ANKRD28: variants seen among roughly 807,000 people sequenced by gnomAD.
ANKRD28 encodes ankyrin repeat domain 28, also known as serine/threonine-protein phosphatase 6 regulatory ankyrin repeat subunit A.
In ANKRD28, 44 loss-of-function variants were observed where a neutral mutation model predicts 126.5. That is an observed-to-expected ratio of 0.35 (90% CI 0.27 to 0.45). The LOEUF (loss-of-function observed/expected upper bound fraction) is 0.45, where lower values mean the gene tolerates loss of function less well. ANKRD28 is among the 20% of genes least tolerant of loss of function. The pLI, the probability that ANKRD28 is intolerant of heterozygous loss-of-function variation, is 1.00. For synonymous variants in ANKRD28, 442 were observed against 468.5 expected (o/e 0.94, Z 0.73); for missense variants, 1,110 against 1,316.6 (o/e 0.84, Z 2.43).
chr3:15,809,567 G>A (rs535809222), intron 1 of ANKRD28, among the ~76,000 whole-genome samples: 3 of 152,168 alleles, frequency 2.0e-5, no homozygotes, highest in Non-Finnish European at 4.4e-5. Flanking sequence ...GGATTGTGAG[G>A]ACACAATCCC....
chr3:15,857,412 G>A (rs1371017003), intron 1 of ANKRD28, among the ~76,000 whole-genome samples: 2 of 152,182 alleles, frequency 1.3e-5, no homozygotes, highest in African/African-American at 4.8e-5. Context: ...AGCCTCCAGA[G>A]TAGCTGGGAT....
chr3:15,686,587 C>T (rs2068154313), intron 18 of ANKRD28: 1 of 427,488 alleles, frequency 2.3e-6, no homozygotes, highest in Non-Finnish European at 4.3e-6. Context: ...TTTTATTTAG[C>T]TCTCTGGCAA....
At chr3:15,842,105 T>C (rs942778724) in intron 1 of ANKRD28, among the ~76,000 whole-genome samples, 1 of 149,700 alleles carries the variant, frequency 6.7e-6, no homozygotes, top group Non-Finnish European at 1.5e-5. Context: ...ATAATTGATA[T>C]ATAATATGCA....
At chr3:15,855,898 T>C (rs1165571279) in intron 1 of ANKRD28, among the ~76,000 whole-genome samples, 1 of 152,248 alleles carries the variant, frequency 6.6e-6, no homozygotes, top group Non-Finnish European at 1.5e-5. Flanking sequence ...ACCACTCAAC[T>C]GTACCCTTTA....
At chr3:15,859,256 G>T in intron 1 of ANKRD28, 1 of 1,402,692 alleles carries the variant, frequency 7.1e-7, no homozygotes. Flanking sequence ...CCCGGGGCAG[G>T]ACCCCCGTTT....
exon 1 of ANKRD28, chr3:15,859,555 G>A (rs1221839159): frequency 2.1e-6 from 1 of 470,604 alleles, no homozygotes; most frequent in Non-Finnish European, 3.0e-6. Context: ...CCTGCGGGCA[G>A]GGGGCGGCGC....
chr3:15,741,037 A>T (rs1317927203), intron 4 of ANKRD28, among the ~76,000 whole-genome samples: 1 of 152,148 alleles, frequency 6.6e-6, no homozygotes, highest in Non-Finnish European at 1.5e-5. Flanking sequence ...CGTCTCTACT[A>T]AATATACAAA....
chr3:15,784,209 G>C (rs1294401551), intron 2 of ANKRD28, among the ~76,000 whole-genome samples: 1 of 151,892 alleles, frequency 6.6e-6, no homozygotes, highest in Non-Finnish European at 1.5e-5. Flanking sequence ...AAAAGGAAGA[G>C]CATCAAAGAA....
chr3:15,797,721 T>A lies in ANKRD28; in HGVS notation c.-1200A>T. ...CTACTTTATTCAGTCATCTGCCTCT[T>A]TGCCAATATAGTTTCCTTCCACTGT... On this transcript the variant is annotated 5_prime_UTR_variant, in exon 1 of 28. Coordinates refer to ENST00000683139, the MANE Select transcript of ANKRD28 (RefSeq NM_001349278.2). 1.0e-6 allele frequency: 1 copy of A among 985,420 alleles called. No individual in the cohort carries two copies. The highest frequency in any genetic ancestry group is 1.7e-5 in the African/African-American group (1 of 57,358). The allele number at this position is 985,420 out of a possible 1,614,324, so 61.0% of individuals were successfully genotyped here.
intron 8 of ANKRD28, among the ~76,000 whole-genome samples, chr3:15,720,623 T>A (rs1490273842): frequency 5.3e-5 from 8 of 152,176 alleles, no homozygotes; most frequent in Non-Finnish European, 1.2e-4. Context: ...CGTCCCTTCA[T>A]GCCCCTTTCC....
intron 1 of ANKRD28, among the ~76,000 whole-genome samples, chr3:15,850,987 G>A (rs1351840115): frequency 6.6e-6 from 1 of 152,186 alleles, no homozygotes; most frequent in Non-Finnish European, 1.5e-5. Flanking sequence ...CTGAATGAGA[G>A]GACATCTAGC....
At chr3:15,810,031 C>T (rs1054291655) in intron 1 of ANKRD28, among the ~76,000 whole-genome samples, 2 of 152,000 alleles carry the variant, frequency 1.3e-5, no homozygotes, top group East Asian at 1.9e-4. Flanking sequence ...TAGACAGCAG[C>T]GAGATCATGA....
chr3:15,678,668 CT>C (rs2067213457), intron 23 of ANKRD28, among the ~76,000 whole-genome samples: 1 of 152,162 alleles, frequency 6.6e-6, no homozygotes, highest in Non-Finnish European at 1.5e-5. Context: ...AATACCACCA[CT>C]TATTACAACT....
chr3:15,839,316 T>C lies in ANKRD28; in HGVS notation c.27+20061A>G, dbSNP rs967244742. On this transcript the variant is annotated intron_variant, in intron 1 of 27. Transcript: ENST00000399451. This position sits in a 1 kb window ranked among gnomAD's most constrained non-coding sequence, Gnocchi z 4.3. ...TGATCTAACCAATCACCAGCTCTTT[T>C]AATCCAACTTAAAAGGCTGATCAGC... is the stretch of plus-strand genomic sequence containing the variant. Among the ~76,000 whole-genome samples the C allele has an allele frequency of 6.6e-6, 1 of 152,132 alleles. No individual in the cohort carries two copies. Among genetic ancestry groups the C allele is most frequent in the Admixed American group, 6.5e-5 (1 of 15,274 alleles).
intron 2 of ANKRD28, 96 bp from the exon 3 acceptor site, chr3:15,766,408 A>C (rs1044699170): frequency 1.3e-6 from 1 of 785,926 alleles, no homozygotes; most frequent in African/African-American, 1.7e-5. Context: ...CCCCCCACCA[A>C]ACCATTATTA....
rs1383833574 is a variant in ANKRD28 at position 15,737,046 on chromosome 3, C to T, written c.539G>A (p.Ser180Asn). 6.2e-7 allele frequency: 1 copy of T among 1,613,822 alleles called. No individual in the cohort carries two copies. The highest frequency in any genetic ancestry group is 1.7e-5 in the Admixed American group (1 of 59,998). ...GRTALHHAAF[S>N]GHGEMVKLLL... ...AATGCCACCTACCTCACCATGTCCACTGAAAGCTGCATGATGTAATGCAGT... is the reference window on the plus strand; with the variant it reads ...AATGCCACCTACCTCACCATGTCCATTGAAAGCTGCATGATGTAATGCAGT... Residue 180 changes from serine (S) to asparagine (N), a missense_variant, in exon 5 of 28, where the codon AGT (serine) becomes AAT (asparagine). Physicochemically the swap from Ser to Asn is conservative, Grantham distance 46. Transcript: ENST00000683139.
chr3:15,756,292 G>C (rs1270326995), intron 3 of ANKRD28, among the ~76,000 whole-genome samples: 1 of 152,168 alleles, frequency 6.6e-6, no homozygotes, highest in East Asian at 1.9e-4. Flanking sequence ...CACAGTTATA[G>C]ATTATATAGG....
chr3:15,704,225 C>T (rs1187505361), intron 14 of ANKRD28, among the ~76,000 whole-genome samples: 1 of 152,062 alleles, frequency 6.6e-6, no homozygotes, highest in Non-Finnish European at 1.5e-5. Context: ...CTTCAGAGGA[C>T]TTGCTGAATG....
chr3:15,739,799 CA>C (rs1221999172), intron 4 of ANKRD28, among the ~76,000 whole-genome samples: 1 of 152,160 alleles, frequency 6.6e-6, no homozygotes, highest in Non-Finnish European at 1.5e-5. Flanking sequence ...TGGGAAATAG[CA>C]CCAGTACTTA....
Sources: allele counts gnomAD v4.1 joint callset (sites outside exome capture counted in the v4.1 genomes callset), GRCh38; gene constraint gnomAD v4.1.1; non-coding constraint Gnocchi (gnomAD v3.1); transcripts MANE v1.5; gene names NCBI Gene and HGNC (gene_info 2026-07-23, HGNC 2026-07-21).